Variants in NUP155 observed in about 807,000 individuals in gnomAD.
NUP155 encodes the protein nucleoporin 155.
NUP155 carries 71 observed loss-of-function variants against 180.4 expected under a neutral mutation model. That is an observed-to-expected ratio of 0.39 (90% CI 0.33 to 0.48). NUP155 has a LOEUF of 0.48. Ranked by LOEUF, NUP155 falls within the 20% of genes least tolerant of loss-of-function variation. The pLI is 0.91. For missense variants in NUP155, 1,553 were observed against 1,648.9 expected (o/e 0.94, Z 1.01); for synonymous variants, 582 against 559.5 (o/e 1.04, Z -0.57).
In NUP155 at chr5:37,291,291, G is replaced by C. The variant is rs1009469378; in HGVS notation, c.*609C>G. 2.0e-5 allele frequency: 3 copies of C among 152,678 alleles called. No individual in the cohort carries two copies. The highest frequency in any genetic ancestry group is 7.2e-5 in the African/African-American group (3 of 41,452). 9.5% of individuals were successfully genotyped at this position (152,678 alleles called of 1,614,324 possible). On this transcript the variant is annotated 3_prime_UTR_variant, in exon 35 of 35. Transcript: ENST00000231498. ...GAGTCTCGCCCTGTTGCCTGGGCTG[G>C]AGTGCAATGGTGCGATTTTGACTCA...
chr5:37,367,093 T>C (rs1485963069), intron 1 of NUP155, among the ~76,000 whole-genome samples: 2 of 151,950 alleles, frequency 1.3e-5, no homozygotes, highest in African/African-American at 4.8e-5. Context: ...TCGCCTTGGC[T>C]GGAATGCAGT....
intron 22 of NUP155, 80 bp from the exon 23 acceptor site, chr5:37,310,823 A>G (rs1743481052): frequency 1.8e-6 from 2 of 1,122,324 alleles, no homozygotes; most frequent in Non-Finnish European, 2.6e-6. Flanking sequence ...AATAAATTAA[A>G]ATAACCTAAA....
At chr5:37,318,157 A>C in intron 20 of NUP155, 72 bp from the exon 21 acceptor site, 2 of 915,310 alleles carry the variant, frequency 2.2e-6, no homozygotes, top group Admixed American at 1.7e-5. Flanking sequence ...AGTACAATTC[A>C]AACATTTAAT....
At chr5:37,365,825 T>C (rs1169536668) in intron 1 of NUP155, among the ~76,000 whole-genome samples, 1 of 103,644 alleles carries the variant, frequency 9.6e-6, no homozygotes, top group Non-Finnish European at 2.0e-5. Flanking sequence ...AAATTAAAAA[T>C]AAAAAAATTT....
chr5:37,364,143 C>T, intron 2 of NUP155, 104 bp downstream of exon 2: 3 of 1,155,138 alleles, frequency 2.6e-6, no homozygotes, highest in Middle Eastern at 2.0e-4. Context: ...AAATAAAACC[C>T]TTAAATGAAT....
chr5:37,341,103 A>G lies in NUP155; in HGVS notation c.1233T>C (p.Ala411=). 1 of 1,612,406 alleles carries G rather than the reference A, an allele frequency of 6.2e-7. No homozygotes were observed. Among genetic ancestry groups the G allele is most frequent in the South Asian group, 1.1e-5 (1 of 91,056 alleles). The change falls in exon 11 of 35, where the codon GCT becomes GCC. Residue 411 remains alanine, a synonymous_variant. Coordinates refer to ENST00000231498, the MANE Select transcript of NUP155 (RefSeq NM_153485.3). ...TVEKPSKVHR[A]LYSKGILLMA... is the part of the protein sequence containing the mutation. Reference sequence around the variant, plus strand: ...TTCAGAACTTACCTTTACTATAAAGAGCTCTATGTACTTTTGAAGGCTTTT... The same window carrying G: ...TTCAGAACTTACCTTTACTATAAAGGGCTCTATGTACTTTTGAAGGCTTTT...
chr5:37,298,706 T>G (rs1443746603), intron 32 of NUP155, among the ~76,000 whole-genome samples, 162 bp downstream of exon 32: 1 of 152,222 alleles, frequency 6.6e-6, no homozygotes, highest in Non-Finnish European at 1.5e-5. Context: ...ATTAACAAAT[T>G]CTGCCATTCT....
Position 37,327,745 on chromosome 5 carries a change from C to T in NUP155, c.1908G>A (p.Val636=). 1.2e-6 allele frequency: 2 copies of T among 1,614,128 alleles called. No homozygotes were observed. The highest frequency in any genetic ancestry group is 2.2e-5 in the South Asian group (2 of 91,082). ...GIQPPAMSTP[V]CALGNPATQA... Reference sequence around the variant, plus strand: ...GAGTTGCTGGGTTTCCCAGAGCACACACTGGAGTTGACATGGCAGGAGGCT... The same window carrying T: ...GAGTTGCTGGGTTTCCCAGAGCACATACTGGAGTTGACATGGCAGGAGGCT... Residue 636 remains valine, a synonymous_variant, in exon 18 of 35, where the codon GTG becomes GTA. Transcript: ENST00000231498.
chr5:37,336,376 G>A (rs1263287883), intron 12 of NUP155, among the ~76,000 whole-genome samples: 2 of 151,936 alleles, frequency 1.3e-5, no homozygotes, highest in Admixed American at 6.6e-5. Context: ...AGCCACTTGG[G>A]AGGCTGAGGT....
At chr5:37,328,278 T>C in intron 17 of NUP155, 80 bp downstream of exon 17, 2 of 1,069,722 alleles carry the variant, frequency 1.9e-6, no homozygotes, top group Non-Finnish European at 2.8e-6. Flanking sequence ...AAGTTCATCT[T>C]TTTCACACTA....
At chr5:37,332,384 C>A (rs1367688248) in intron 13 of NUP155, among the ~76,000 whole-genome samples, 1 of 136,028 alleles carries the variant, frequency 7.4e-6, no homozygotes, top group African/African-American at 2.9e-5. Flanking sequence ...TGCAGTGGCG[C>A]AATCTCGGCT....
At chr5:37,370,553 G>A (rs1747894052) in intron 1 of NUP155, 1 of 915,766 alleles carries the variant, frequency 1.1e-6, no homozygotes, top group Non-Finnish European at 1.6e-6. Flanking sequence ...TGAGAGCGGC[G>A]AGAAGCTCAT....
At chr5:37,344,653 C>A (rs923643246) in intron 9 of NUP155, among the ~76,000 whole-genome samples, 1 of 151,946 alleles carries the variant, frequency 6.6e-6, no homozygotes, top group African/African-American at 2.4e-5. Context: ...GTAATCCCAG[C>A]ACTTTGGGAG....
intron 14 of NUP155, among the ~76,000 whole-genome samples, chr5:37,330,976 C>G (rs1024996205): frequency 6.6e-6 from 1 of 151,256 alleles, no homozygotes; most frequent in Non-Finnish European, 1.5e-5. Context: ...GATGAAACCC[C>G]ATCTCTACTA....
chr5:37,349,246 C>G lies in NUP155; in HGVS notation c.830-1G>C. 1 of 779,940 alleles carries G rather than the reference C, an allele frequency of 1.3e-6. No individual in the cohort carries two copies. The highest frequency in any genetic ancestry group is 2.0e-6 in the Non-Finnish European group (1 of 500,858). The allele number at this position is 779,940 out of a possible 1,614,324, so 48.3% of individuals were successfully genotyped here. A position where few individuals can be genotyped will look rare whatever the true frequency, so the allele number is the denominator to read the frequency against. On this transcript the variant is annotated splice_acceptor_variant, in intron 7 of 34. Coordinates refer to ENST00000231498, the MANE Select transcript of NUP155 (RefSeq NM_153485.3). LOFTEE classifies it high-confidence loss of function. The stretch of plus-strand genomic sequence containing the variant: ...TCAATTGCAATTTGAAGAATAGGAT[C>G]TAAAAGTAAGACAAAAAAAAAAAAG...
intron 30 of NUP155, 84 bp from the exon 31 acceptor site, chr5:37,299,652 A>C (rs1354245339): frequency 2.2e-6 from 3 of 1,343,606 alleles, no homozygotes; most frequent in Non-Finnish European, 3.2e-6. Context: ...GAAAATTAAA[A>C]AATAACCAAA....
At chr5:37,294,080 A>T (rs532155528) in intron 33 of NUP155, among the ~76,000 whole-genome samples, 1 of 151,804 alleles carries the variant, frequency 6.6e-6, no homozygotes, top group East Asian at 1.9e-4. Context: ...ACCTTGGTTT[A>T]GCCTCTTTCA....
intron 18 of NUP155, among the ~76,000 whole-genome samples, chr5:37,326,554 C>T (rs1744612019): frequency 6.6e-6 from 1 of 152,194 alleles, no homozygotes; most frequent in African/African-American, 2.4e-5. Context: ...AGTGTCTACT[C>T]TTTCTCAAGG....
rs536489706 is a variant in NUP155, at chr5:37,327,250, C to T, written c.2024+379G>A. 108 of 273,742 alleles carry T rather than the reference C, an allele frequency of 3.9e-4. 2 individuals carry two copies. The Middle Eastern group carries it at 5.3e-3, about 14-fold the overall frequency. The allele number at this position is 273,742 out of a possible 1,614,324, so 17.0% of individuals were successfully genotyped here. ...AAGAAAACACAAAAAACATACAAAACGTGTTAATTGATTACTTATCAGTGA... is the reference window on the plus strand; with the variant it reads ...AAGAAAACACAAAAAACATACAAAATGTGTTAATTGATTACTTATCAGTGA... On this transcript the variant is annotated intron_variant, in intron 18 of 34. Coordinates refer to ENST00000231498, the MANE Select transcript of NUP155 (RefSeq NM_153485.3).
Sources: allele counts gnomAD v4.1 joint callset (sites outside exome capture counted in the v4.1 genomes callset), GRCh38; gene constraint gnomAD v4.1.1; transcripts MANE v1.5; gene names NCBI Gene and HGNC (gene_info 2026-07-23, HGNC 2026-07-21).